Variants in MYLK observed in about 807,000 individuals in gnomAD.
MYLK encodes the protein myosin light chain kinase, smooth muscle.
In MYLK, 106 loss-of-function variants were observed where a neutral mutation model predicts 203.4. The ratio of observed to expected loss-of-function variants is 0.52; its 90% CI spans 0.45 to 0.61. The LOEUF is 0.61. MYLK is among the 20% of genes least tolerant of loss of function. The probability of loss-of-function intolerance (pLI) is 0.00; values close to 1 mark genes in which losing one functional copy is unlikely to be tolerated. For synonymous variants in MYLK, 867 were observed against 959.5 expected (o/e 0.90, Z 1.78); for missense variants, 2,072 against 2,442.3 (o/e 0.85, Z 3.20).
intron 2 of MYLK, among the ~76,000 whole-genome samples, chr3:123,846,285 G>C (rs2029977589): frequency 6.6e-6 from 1 of 152,146 alleles, no homozygotes; most frequent in Admixed American, 6.5e-5. Flanking sequence ...CAGAAAGACA[G>C]TATAAGCACA....
At chr3:123,708,224 C>T (rs2061539513) in intron 15 of MYLK, among the ~76,000 whole-genome samples, 1 of 152,112 alleles carries the variant, frequency 6.6e-6, no homozygotes, top group African/African-American at 2.4e-5. Flanking sequence ...ACTGTATATC[C>T]AATGTAAGGG....
At chr3:123,666,376 G>A (rs1314802202) in intron 21 of MYLK, 30 bp from the exon 22 acceptor site, 2 of 1,614,132 alleles carry the variant, frequency 1.2e-6, no homozygotes, top group South Asian at 1.1e-5. Flanking sequence ...AAGTGAGCGA[G>A]GCAGAAGGGT....
Position 123,648,801 on chromosome 3 carries a change from G to A in MYLK, c.4415+170C>T, listed in dbSNP as rs978984578. On this transcript the variant is annotated intron_variant, in intron 26 of 33. Transcript: ENST00000360304. This position sits in a 1 kb window ranked among gnomAD's most constrained non-coding sequence, Gnocchi z 4.5. ...ATGGGCAACTCTGCAGAGAGTCCTG[G>A]GTGAGTGAGTGATGCTTTCGTGGGT... 6.6e-6 allele frequency among the ~76,000 whole-genome samples: 1 copy of A among 152,142 alleles called. No homozygotes were observed. The highest frequency in any genetic ancestry group is 1.9e-4 in the East Asian group (1 of 5,182).
At chr3:123,694,905 G>C (rs2060849333) in intron 18 of MYLK, among the ~76,000 whole-genome samples, 1 of 152,250 alleles carries the variant, frequency 6.6e-6, no homozygotes, top group Admixed American at 6.5e-5. Flanking sequence ...TAGAAGAAAA[G>C]CTGTTTCCCA....
At chr3:123,644,641 A>G (rs1348887476) in intron 27 of MYLK, 1 of 152,208 alleles carries the variant, frequency 6.6e-6, no homozygotes, top group Non-Finnish European at 1.5e-5. Flanking sequence ...AAGATAAGAC[A>G]TTTCTCCACA....
chr3:123,784,395 T>C (rs1251257725), intron 4 of MYLK, among the ~76,000 whole-genome samples: 2 of 149,194 alleles, frequency 1.3e-5, no homozygotes, highest in African/African-American at 2.5e-5. Context: ...TTTTTTTTTT[T>C]TTTTTTTTAC....
At chr3:123,819,088 G>C (rs1379707888) in intron 3 of MYLK, among the ~76,000 whole-genome samples, 1 of 152,190 alleles carries the variant, frequency 6.6e-6, no homozygotes, top group African/African-American at 2.4e-5. Flanking sequence ...GCATGACAAG[G>C]ATGAAATAAA....
intron 20 of MYLK, among the ~76,000 whole-genome samples, chr3:123,669,022 T>C (rs2059826855): frequency 6.6e-6 from 1 of 152,236 alleles, no homozygotes; most frequent in African/African-American, 2.4e-5. Flanking sequence ...AGCGGTGTCA[T>C]TGGCTTGGAT....
chr3:123,844,717 G>A (rs2066670330), intron 2 of MYLK, among the ~76,000 whole-genome samples: 2 of 151,800 alleles, frequency 1.3e-5, no homozygotes, highest in African/African-American at 4.8e-5. Context: ...ATCTTAGGAA[G>A]GTCTGTAAGC....
At chr3:123,678,794 ATGTACT>A (rs1302340905) in intron 20 of MYLK, among the ~76,000 whole-genome samples, 1 of 152,156 alleles carries the variant, frequency 6.6e-6, no homozygotes, top group Non-Finnish European at 1.5e-5. Flanking sequence ...AATCCAATTG[ATGTACT>A]TGTGCCTGTA....
At chr3:123,634,357 C>A (rs2058557382) in intron 29 of MYLK, among the ~76,000 whole-genome samples, 1 of 152,202 alleles carries the variant, frequency 6.6e-6, no homozygotes, top group Admixed American at 6.5e-5. Context: ...CTGGATCTGG[C>A]TGAGGAGCCC....
intron 13 of MYLK, among the ~76,000 whole-genome samples, chr3:123,719,279 C>G (rs776705711): frequency 6.6e-6 from 1 of 152,240 alleles, no homozygotes; most frequent in African/African-American, 2.4e-5. Context: ...TGGAGGGACA[C>G]GCGTTGCTGC....
At chr3:123,732,695 G>T (rs770322930) in intron 11 of MYLK, among the ~76,000 whole-genome samples, 1 of 152,176 alleles carries the variant, frequency 6.6e-6, no homozygotes, top group Non-Finnish European at 1.5e-5. Flanking sequence ...ATTTTGAGGT[G>T]ATTCTGATGT....
intron 2 of MYLK, among the ~76,000 whole-genome samples, chr3:123,850,221 T>C (rs894988879): frequency 6.6e-6 from 1 of 152,226 alleles, no homozygotes; most frequent in African/African-American, 2.4e-5. Context: ...CATGTGTCTT[T>C]ATAGCAGCAT....
At chr3:123,874,588 A>C (rs2033029071) in intron 2 of MYLK, among the ~76,000 whole-genome samples, 1 of 152,202 alleles carries the variant, frequency 6.6e-6, no homozygotes, top group Non-Finnish European at 1.5e-5. Context: ...AGTATTTCTT[A>C]GATATAACAG....
At chr3:123,706,714 G>A (rs2061474248) in intron 16 of MYLK, among the ~76,000 whole-genome samples, 1 of 152,036 alleles carries the variant, frequency 6.6e-6, no homozygotes, top group Non-Finnish European at 1.5e-5. Flanking sequence ...GCTCTCCACT[G>A]TTCCAGGCCT....
intron 4 of MYLK, among the ~76,000 whole-genome samples, chr3:123,758,108 T>C (rs2063417205): frequency 6.7e-6 from 1 of 148,540 alleles, no homozygotes; most frequent in South Asian, 2.1e-4. Context: ...CCACAGAAAA[T>C]GTCTATAAAA....
At chr3:123,846,050 G>A (rs2029938469) in intron 2 of MYLK, among the ~76,000 whole-genome samples, 1 of 152,068 alleles carries the variant, frequency 6.6e-6, no homozygotes, top group Non-Finnish European at 1.5e-5. Context: ...TTATTTTTAT[G>A]TTCCAGGATC....
chr3:123,725,899 G>C, intron 12 of MYLK, 45 bp downstream of exon 12: 1 of 1,600,890 alleles, frequency 6.2e-7, no homozygotes, highest in Non-Finnish European at 8.5e-7. Context: ...CAGCGCCAAA[G>C]GGCCCAGGGG....
Sources: gnomAD v4.1 joint callset for allele counts (sites outside exome capture counted in the v4.1 genomes callset) on GRCh38, gnomAD v4.1.1 for gene constraint, Gnocchi (gnomAD v3.1) non-coding constraint, MANE v1.5 for transcripts, NCBI Gene and HGNC (gene_info 2026-07-23, HGNC 2026-07-21) for gene names.